The following RELN variants were observed in gnomAD, a reference collection of about 807,000 sequenced individuals.
RELN encodes the protein reelin.
A neutral mutation model predicts 427.6 loss-of-function variants in RELN; 108 were observed. The observed-to-expected ratio is 0.25, with a 90% CI of 0.22 to 0.30. The LOEUF (loss-of-function observed/expected upper bound fraction) is 0.30. RELN is among the 10% of genes least tolerant of loss of function. The pLI is 1.00. For missense variants in RELN, 3,715 were observed against 4,302.8 expected, an observed-to-expected ratio of 0.86 and a Z score of 3.82; for synonymous variants, 1,524 against 1,513.4, an observed-to-expected ratio of 1.01 and a Z score of -0.16.
chr7:103,515,108 T>G lies in RELN; in HGVS notation c.8119+77A>C. 5 of 1,575,638 alleles carry G rather than the reference T, an allele frequency of 3.2e-6. No individual in the cohort carries two copies. The Middle Eastern group carries it at 5.0e-4, about 159-fold the overall frequency. Reference sequence around the variant, plus strand: ...GGAACATCTGAAAAGGTTCCATATTTTGCTCTTTTGAAAAGACCCAAATCC... The same window carrying G: ...GGAACATCTGAAAAGGTTCCATATTGTGCTCTTTTGAAAAGACCCAAATCC... On this transcript the variant is annotated intron_variant, in intron 50 of 64. Transcript: ENST00000428762.
At chr7:103,874,367 CAGG>C (rs1286729302) in intron 2 of RELN, among the ~76,000 whole-genome samples, 2 of 140,728 alleles carry the variant, frequency 1.4e-5, no homozygotes, top group African/African-American at 2.5e-5. Flanking sequence ...GGCAATTAGG[CAGG>C]AGAAGGAAAT....
chr7:103,543,269 T>C (rs924522929), intron 42 of RELN, among the ~76,000 whole-genome samples: 1 of 152,144 alleles, frequency 6.6e-6, no homozygotes, highest in African/African-American at 2.4e-5. Context: ...AATGTAAGGA[T>C]AGTATCAGGC....
intron 1 of RELN, among the ~76,000 whole-genome samples, chr7:103,923,600 C>G (rs1029065376): frequency 6.6e-6 from 1 of 152,252 alleles, no homozygotes; most frequent in East Asian, 1.9e-4. Flanking sequence ...ATTCCAGGAA[C>G]AAATGGACTC....
chr7:103,742,256 A>T (rs1488979105), intron 6 of RELN, among the ~76,000 whole-genome samples: 1 of 152,020 alleles, frequency 6.6e-6, no homozygotes, highest in Non-Finnish European at 1.5e-5. Flanking sequence ...CACACCAAAA[A>T]CCCATCTGTA....
chr7:103,831,316 T>C (rs941756889), intron 3 of RELN, among the ~76,000 whole-genome samples: 13 of 152,118 alleles, frequency 8.5e-5, no homozygotes, highest in African/African-American at 2.4e-4. Flanking sequence ...TTAAAGGTAA[T>C]GACAACATTG....
chr7:103,542,709 A>G, intron 43 of RELN, 22 bp downstream of exon 43: 1 of 1,613,764 alleles, frequency 6.2e-7, no homozygotes, highest in Middle Eastern at 1.7e-4. Context: ...GGTTTTTTTC[A>G]ACAGCATCTA....
intron 2 of RELN, among the ~76,000 whole-genome samples, chr7:103,852,592 A>G (rs899298059): frequency 3.3e-5 from 5 of 152,096 alleles, no homozygotes; most frequent in African/African-American, 1.2e-4. Context: ...CTAAATTTCT[A>G]TCTATGTCCT....
At chr7:103,493,425 A>T (rs1828731020) in intron 57 of RELN, among the ~76,000 whole-genome samples, 1 of 152,196 alleles carries the variant, frequency 6.6e-6, no homozygotes, top group Non-Finnish European at 1.5e-5. Context: ...TATTAAGTGC[A>T]CCGTTAGACA....
chr7:103,512,576 A>C (rs913827273), intron 50 of RELN, among the ~76,000 whole-genome samples: 1 of 152,204 alleles, frequency 6.6e-6, no homozygotes, highest in Admixed American at 6.5e-5. Flanking sequence ...CTATGAATTG[A>C]TTAATGCAGA....
chr7:103,485,229 C>CAAA (rs35324403), intron 61 of RELN, among the ~76,000 whole-genome samples: 20 of 96,486 alleles, frequency 2.1e-4, no homozygotes, highest in Non-Finnish European at 3.1e-4. Context: ...TTTGGCAGGC[C>CAAA]AAAAAAAAAA....
intron 8 of RELN, among the ~76,000 whole-genome samples, chr7:103,718,630 A>T (rs986377067): frequency 6.6e-6 from 1 of 152,070 alleles, no homozygotes; most frequent in Non-Finnish European, 1.5e-5. Context: ...TGTCTGCATC[A>T]CATCAGTTTA....
chr7:103,975,565 T>TTTATTTA, intron 1 of RELN, among the ~76,000 whole-genome samples: 1 of 74,904 alleles, frequency 1.3e-5, no homozygotes, highest in Admixed American at 1.3e-4. Flanking sequence ...TTATTTATTT[T>TTTATTTA]GAGACGGAGT....
At chr7:103,675,432 C>G (rs978850170) in intron 11 of RELN, among the ~76,000 whole-genome samples, 15 of 152,056 alleles carry the variant, frequency 9.9e-5, no homozygotes, top group African/African-American at 3.1e-4. Flanking sequence ...TGGATAGGAA[C>G]AATCAATATC....
intron 4 of RELN, among the ~76,000 whole-genome samples, chr7:103,769,401 A>C (rs1016312410): frequency 2.0e-5 from 3 of 152,178 alleles, no homozygotes; most frequent in African/African-American, 2.4e-5. Flanking sequence ...TACATCATCA[A>C]AGGCACCTTC....
chr7:103,886,843 G>A (rs1794735131), intron 2 of RELN, among the ~76,000 whole-genome samples: 1 of 152,160 alleles, frequency 6.6e-6, no homozygotes, highest in Non-Finnish European at 1.5e-5. Context: ...CTTTTAGGCA[G>A]CCACCACCCT....
intron 1 of RELN, among the ~76,000 whole-genome samples, chr7:103,963,595 A>T (rs1033664587): frequency 1.3e-5 from 2 of 152,222 alleles, no homozygotes; most frequent in African/African-American, 4.8e-5. Context: ...TATCTTTTTT[A>T]AAAATTTCTT....
At chr7:103,700,341 G>T (rs1172836846) in intron 9 of RELN, among the ~76,000 whole-genome samples, 1 of 151,968 alleles carries the variant, frequency 6.6e-6, no homozygotes. Context: ...TCATCCTCAA[G>T]CATCCTACCT....
intron 30 of RELN, among the ~76,000 whole-genome samples, chr7:103,572,999 C>T (rs941904419): frequency 3.9e-5 from 6 of 152,164 alleles, no homozygotes; most frequent in Non-Finnish European, 8.8e-5. Context: ...AGTGCAGTGG[C>T]GCGATCTTGA....
chr7:103,591,063 T>C (rs935448692), intron 27 of RELN, among the ~76,000 whole-genome samples: 1 of 152,268 alleles, frequency 6.6e-6, no homozygotes, highest in African/African-American at 2.4e-5. Context: ...TTGGGTATTA[T>C]AGTTTAAGAC....
Sources: gnomAD v4.1 joint callset for allele counts (sites outside exome capture counted in the v4.1 genomes callset) on GRCh38, gnomAD v4.1.1 for gene constraint, MANE v1.5 for transcripts, NCBI Gene and HGNC (gene_info 2026-07-23, HGNC 2026-07-21) for gene names.